NLGN4X: variants seen among roughly 807,000 people sequenced by gnomAD.
NLGN4X encodes neuroligin 4 X-linked, also known as neuroligin-4, X-linked.
A neutral mutation model predicts 40.3 loss-of-function variants in NLGN4X; 3 were observed. That is an observed-to-expected ratio of 0.07 (90% confidence interval 0.03 to 0.19). NLGN4X has a LOEUF of 0.19. NLGN4X is among the 10% of genes least tolerant of loss of function. The pLI is 1.00. For synonymous variants in NLGN4X, 270 were observed against 306.8 expected (o/e 0.88, Z 1.25); for missense variants, 382 against 708.3 (o/e 0.54, Z 5.23).
intron 1 of NLGN4X, among the ~76,000 whole-genome samples, chrX:6,218,024 C>T (rs940930137): frequency 1.8e-5 from 2 of 111,892 alleles, no homozygotes; most frequent in Non-Finnish European, 3.8e-5. Flanking sequence ...CTATCCGTTC[C>T]GCCTAATTCC....
At chrX:6,104,983 G>A (rs1008840774) in intron 2 of NLGN4X, among the ~76,000 whole-genome samples, 10 of 111,530 alleles carry the variant, frequency 9.0e-5, no homozygotes, top group Admixed American at 1.9e-4. Flanking sequence ...TCAGATACTG[G>A]GACGGTAACT....
intron 3 of NLGN4X, among the ~76,000 whole-genome samples, chrX:6,027,074 T>C (rs1375392215): frequency 8.9e-6 from 1 of 112,162 alleles, no homozygotes; most frequent in Non-Finnish European, 1.9e-5. Flanking sequence ...ATTTTCTTGA[T>C]GCCCACTGCT....
chrX:6,022,582 A>T (rs2036585468), intron 3 of NLGN4X, among the ~76,000 whole-genome samples: 1 of 112,040 alleles, frequency 8.9e-6, no homozygotes, highest in Non-Finnish European at 1.9e-5. Context: ...ACTCCCACTA[A>T]TGTCAGATGC....
chrX:5,973,819 T>G (rs1220269491), intron 3 of NLGN4X, among the ~76,000 whole-genome samples: 1 of 108,210 alleles, frequency 9.2e-6, no homozygotes, highest in Non-Finnish European at 1.9e-5. Flanking sequence ...CTAGACTCCC[T>G]CTCAAAAAAG....
chrX:5,894,135 AGGT>A (rs2031360024), intron 5 of NLGN4X, among the ~76,000 whole-genome samples: 1 of 111,687 alleles, frequency 9.0e-6, no homozygotes, highest in African/African-American at 3.3e-5. Context: ...TGAAGGGTGG[AGGT>A]GAGGGATGCT....
Position 6,135,303 on chromosome X carries a change from T to C in NLGN4X, c.472+15692A>G, listed in dbSNP as rs2039788724. On this transcript the variant is annotated intron_variant, in intron 2 of 5. Transcript: ENST00000381095. ...TCTATGTCACTAAGAGCTACAGCTGTTTACAAACCAACAACAACAGCAACT... is the reference window on the plus strand; with the variant it reads ...TCTATGTCACTAAGAGCTACAGCTGCTTACAAACCAACAACAACAGCAACT... Among the ~76,000 whole-genome samples, 3 of 111,715 alleles carry C rather than the reference T, an allele frequency of 2.7e-5. No homozygotes were observed. In the Admixed American group the frequency reaches 2.9e-4, roughly 11 times the overall value.
intron 3 of NLGN4X, among the ~76,000 whole-genome samples, chrX:5,953,882 T>C (rs1462764843): frequency 2.7e-5 from 3 of 112,026 alleles, no homozygotes; most frequent in Non-Finnish European, 3.8e-5. Flanking sequence ...CAAGGCAGGC[T>C]GCAGCCTTGA....
chrX:5,905,667 G>A (rs1375310656), intron 4 of NLGN4X, among the ~76,000 whole-genome samples: 1 of 111,799 alleles, frequency 8.9e-6, no homozygotes, highest in Non-Finnish European at 1.9e-5. Flanking sequence ...AATTCCTAAG[G>A]CAAACAGTCT....
At chrX:6,116,015 TGG>T (rs1364864658) in intron 2 of NLGN4X, among the ~76,000 whole-genome samples, 13 of 109,979 alleles carry the variant, frequency 1.2e-4, no homozygotes, top group African/African-American at 4.3e-4. Context: ...TGAATGAGGC[TGG>T]GCGCGGTGGC....
chrX:5,932,669 G>T (rs960241395), intron 3 of NLGN4X, among the ~76,000 whole-genome samples: 1 of 110,710 alleles, frequency 9.0e-6, no homozygotes, highest in African/African-American at 3.3e-5. Context: ...ATCATAGAAT[G>T]AATTACCAAA....
intron 3 of NLGN4X, among the ~76,000 whole-genome samples, chrX:5,993,610 A>C (rs945230790): frequency 3.6e-5 from 4 of 112,294 alleles, no homozygotes; most frequent in African/African-American, 1.3e-4. Flanking sequence ...GCCTAGTAAC[A>C]GACTGTGGGG....
Position 6,014,246 on chromosome X carries a change from A to G in NLGN4X, c.625+15034T>C, listed in dbSNP as rs73184614. Among the ~76,000 whole-genome samples, 606 of 111,429 alleles carry G rather than the reference A, an allele frequency of 5.4e-3. 4 individuals are homozygous for G. Among genetic ancestry groups the G allele is most frequent in the Middle Eastern group, 0.023 (5 of 216 alleles). On this transcript the variant is annotated intron_variant, in intron 3 of 5. Coordinates refer to ENST00000381095, the MANE Select transcript of NLGN4X (RefSeq NM_181332.3). ...GAACTTAACCCGGTTCATCTGGATG[A>G]ATCTAGGTAATCATAATGTTTTTTG...
chrX:6,074,997 A>G (rs1412323481), intron 2 of NLGN4X, among the ~76,000 whole-genome samples: 1 of 111,845 alleles, frequency 8.9e-6, no homozygotes, highest in Non-Finnish European at 1.9e-5. Context: ...AGGAAAGATG[A>G]CTAGGGAAAA....
intron 2 of NLGN4X, among the ~76,000 whole-genome samples, chrX:6,036,876 C>A (rs1050695103): frequency 9.0e-6 from 1 of 111,664 alleles, no homozygotes; most frequent in East Asian, 2.8e-4. Flanking sequence ...CTCAATGTCC[C>A]TAATCCTGAA....
intron 2 of NLGN4X, among the ~76,000 whole-genome samples, chrX:6,140,254 G>T (rs2039915242): frequency 9.0e-6 from 1 of 111,437 alleles, no homozygotes; most frequent in African/African-American, 3.3e-5. Flanking sequence ...CAAACTTGAG[G>T]ACCGTGCAGA....
intron 2 of NLGN4X, among the ~76,000 whole-genome samples, chrX:6,100,551 TGGGAGCTCCGTGGAG>T (rs1175863653): frequency 8.9e-6 from 1 of 112,035 alleles, no homozygotes; most frequent in South Asian, 3.7e-4. Flanking sequence ...TAGAGTCCAG[TGGGAGCTCCGTGGAG>T]GGAAATTTAT....
intron 3 of NLGN4X, among the ~76,000 whole-genome samples, chrX:5,935,753 C>A (rs1391050230): frequency 9.0e-6 from 1 of 111,195 alleles, no homozygotes; most frequent in Non-Finnish European, 1.9e-5. Flanking sequence ...TCAGTGAACA[C>A]AAATAAACTA....
rs9699007 is a variant in NLGN4X at position 5,925,897 on chromosome X, T to C, written c.626-16658A>G. Reference sequence around the variant, plus strand: ...ACATACACACATATATATATATATATATATATATATATATATATATATATA... The same window carrying C: ...ACATACACACATATATATATATATACATATATATATATATATATATATATA... On this transcript the variant is annotated intron_variant, in intron 3 of 5. Coordinates refer to ENST00000381095, the MANE Select transcript of NLGN4X (RefSeq NM_181332.3). Among the ~76,000 whole-genome samples the C allele has an allele frequency of 1.9e-3, 37 of 19,125 alleles. 2 individuals are homozygous for C. Among genetic ancestry groups the C allele is most frequent in the African/African-American group, 7.3e-3 (15 of 2,042 alleles). The allele number at this position is 19,125 out of a possible 115,157, so 16.6% of individuals were successfully genotyped here.
chrX:6,172,742 G>T (rs750867236), intron 1 of NLGN4X, among the ~76,000 whole-genome samples: 1 of 111,721 alleles, frequency 9.0e-6, no homozygotes, highest in East Asian at 2.8e-4. Flanking sequence ...TAAGAATCAG[G>T]TCTGTGTGGA....
Sources: allele counts gnomAD v4.1 joint callset (sites outside exome capture counted in the v4.1 genomes callset), GRCh38; gene constraint gnomAD v4.1.1; transcripts MANE v1.5; gene names NCBI Gene and HGNC (gene_info 2026-07-23, HGNC 2026-07-21).